The following PPP1R12A variants were observed in gnomAD, a reference collection of about 807,000 sequenced individuals.
The protein encoded by PPP1R12A is myosin binding subunit.
Under a neutral mutation model 139.6 loss-of-function variants are expected in PPP1R12A, and 19 were observed. The ratio of observed to expected loss-of-function variants is 0.14; its 90% CI spans 0.09 to 0.20. The LOEUF is 0.20. PPP1R12A is among the 10% of genes least tolerant of loss of function. The probability of loss-of-function intolerance (pLI) is 1.00; values close to 1 mark genes in which losing one functional copy is unlikely to be tolerated. For missense variants in PPP1R12A, 925 were observed against 1,211.5 expected (o/e 0.76, Z 3.51); for synonymous variants, 427 against 420.6 (o/e 1.02, Z -0.19).
intron 1 of PPP1R12A, among the ~76,000 whole-genome samples, chr12:79,885,885 A>G (rs775370148): frequency 3.9e-5 from 6 of 152,110 alleles, no homozygotes; most frequent in Non-Finnish European, 7.4e-5. Flanking sequence ...TGTTAGAGAT[A>G]GTGTCTCACT....
At chr12:79,814,565 T>C (rs1452940382) in intron 9 of PPP1R12A, among the ~76,000 whole-genome samples, 2 of 139,872 alleles carry the variant, frequency 1.4e-5, no homozygotes, top group African/African-American at 2.7e-5. Flanking sequence ...CCTGTAATCC[T>C]AGCACTTTGC....
chr12:79,886,769 CAACA>C (rs1884143836), intron 1 of PPP1R12A, among the ~76,000 whole-genome samples: 1 of 152,084 alleles, frequency 6.6e-6, no homozygotes, highest in East Asian at 1.9e-4. Flanking sequence ...AATATTCATT[CAACA>C]AATACTATAT....
At chr12:79,879,795 A>G (rs1883458365) in intron 1 of PPP1R12A, among the ~76,000 whole-genome samples, 1 of 152,100 alleles carries the variant, frequency 6.6e-6, no homozygotes, top group Non-Finnish European at 1.5e-5. Context: ...AGAGATATAC[A>G]TATGTGAAAT....
At chr12:79,846,030 G>A (rs1030374475) in intron 2 of PPP1R12A, among the ~76,000 whole-genome samples, 1 of 126,296 alleles carries the variant, frequency 7.9e-6, no homozygotes, top group Non-Finnish European at 1.9e-5. Context: ...GAGTTCTTAA[G>A]CTGGGGTTCA....
Position 79,795,764 on chromosome 12 carries a change from T to TA in PPP1R12A, c.2462-6dup. 1.2e-6 allele frequency: 2 copies of TA among 1,608,808 alleles called. No individual in the cohort carries two copies. Among genetic ancestry groups the TA allele is most frequent in the Non-Finnish European group, 1.7e-6 (2 of 1,177,560 alleles). On this transcript the variant is annotated splice_region_variant and splice_polypyrimidine_tract_variant and intron_variant, in intron 17 of 24. Coordinates refer to ENST00000450142, the MANE Select transcript of PPP1R12A (RefSeq NM_002480.3). ...CCTCTTCTCTTTTTTCTCCCTCTGT[T>TA]AAGGATTGCAATGAACCACAATATA...
chr12:79,824,624 C>A (rs917607124), intron 5 of PPP1R12A, among the ~76,000 whole-genome samples: 2 of 152,138 alleles, frequency 1.3e-5, no homozygotes, highest in African/African-American at 4.8e-5. Flanking sequence ...CAACTTAACT[C>A]ATCAACTTAA....
At chr12:79,862,252 C>A (rs1373182366) in intron 2 of PPP1R12A, among the ~76,000 whole-genome samples, 3 of 152,098 alleles carry the variant, frequency 2.0e-5, no homozygotes, top group Non-Finnish European at 4.4e-5. Flanking sequence ...AACTAACAAA[C>A]AAAAAGGAAT....
intron 5 of PPP1R12A, among the ~76,000 whole-genome samples, chr12:79,822,543 T>C (rs1410557412): frequency 6.6e-6 from 1 of 152,164 alleles, no homozygotes; most frequent in African/African-American, 2.4e-5. Context: ...CCCTAAGAAG[T>C]AGGAACATAC....
intron 16 of PPP1R12A, 92 bp from the exon 17 acceptor site, chr12:79,797,042 T>C: frequency 1.4e-6 from 2 of 1,416,916 alleles, no homozygotes; most frequent in Non-Finnish European, 1.9e-6. Flanking sequence ...GAAAAAGTAG[T>C]ATACTAATCA....
intron 17 of PPP1R12A, 56 bp downstream of exon 17, chr12:79,796,726 T>A: frequency 7.2e-7 from 1 of 1,392,410 alleles, no homozygotes; most frequent in South Asian, 1.4e-5. Flanking sequence ...TAGGAAACCC[T>A]AATCCAAAGG....
Position 79,797,264 on chromosome 12 carries a change from TTCTTGTTTCTCTTTA to T in PPP1R12A, c.2208_2222del (p.Asp736_Gln740del), listed in dbSNP as rs757413852. On this transcript the variant is annotated inframe_deletion, in exon 16 of 25. Coordinates refer to ENST00000450142, the MANE Select transcript of PPP1R12A (RefSeq NM_002480.3). ...TAGATGTTTCTGACTCCTTCTTTTC[TTCTTGTTTCTCTTTA>T]TCTTGTTTCTCTTTTTCCTCTTTTT... 1.4e-4 allele frequency: 216 copies of T among 1,587,948 alleles called. No individual in the cohort carries two copies. Among genetic ancestry groups the T allele is most frequent in the South Asian group, 5.6e-4 (49 of 87,928 alleles).
intron 2 of PPP1R12A, among the ~76,000 whole-genome samples, chr12:79,871,254 A>C (rs910341065): frequency 2.0e-5 from 3 of 152,190 alleles, no homozygotes; most frequent in African/African-American, 7.2e-5. Context: ...GTATTCTATC[A>C]CTTGCAGCTA....
intron 2 of PPP1R12A, among the ~76,000 whole-genome samples, chr12:79,845,650 C>T (rs1229342675): frequency 1.3e-5 from 2 of 152,146 alleles, no homozygotes; most frequent in East Asian, 3.9e-4. Flanking sequence ...ACCATCCTAA[C>T]ACGGTGAAAC....
chr12:79,844,991 T>C (rs769411015), intron 3 of PPP1R12A, among the ~76,000 whole-genome samples: 4 of 152,348 alleles, frequency 2.6e-5, no homozygotes, highest in Non-Finnish European at 5.9e-5. Flanking sequence ...TATTTAACTT[T>C]GCAATGTGCC....
At chr12:79,809,694 C>A in intron 10 of PPP1R12A, 101 bp downstream of exon 10, 5 of 840,690 alleles carry the variant, frequency 5.9e-6, no homozygotes, top group Non-Finnish European at 9.3e-6. Context: ...TAACTTGATA[C>A]CTAGATCTAA....
At chr12:79,789,703 A>G (rs1360420550) in intron 20 of PPP1R12A, 1 of 449,632 alleles carries the variant, frequency 2.2e-6, no homozygotes, top group East Asian at 7.1e-5. Flanking sequence ...ATGATAAGAG[A>G]AATGGAATGG....
chr12:79,819,433 GAACA>G (rs1875818573), intron 8 of PPP1R12A: 1 of 152,130 alleles, frequency 6.6e-6, no homozygotes, highest in African/African-American at 2.4e-5. Flanking sequence ...AAAATTTAGT[GAACA>G]AAAACCTAGA....
intron 5 of PPP1R12A, chr12:79,824,930 C>CT (rs1438288479): frequency 2.0e-5 from 3 of 152,078 alleles, no homozygotes; most frequent in South Asian, 2.1e-4. Flanking sequence ...CATTATAAGT[C>CT]TAACTTCATA....
intron 1 of PPP1R12A, among the ~76,000 whole-genome samples, chr12:79,874,468 A>C (rs1257292220): frequency 6.6e-6 from 1 of 152,128 alleles, no homozygotes; most frequent in Admixed American, 6.5e-5. Context: ...ACAACCAAGA[A>C]AAAATGAATT....
Sources: allele counts gnomAD v4.1 joint callset (sites outside exome capture counted in the v4.1 genomes callset), GRCh38; gene constraint gnomAD v4.1.1; transcripts MANE v1.5; gene names NCBI Gene and HGNC (gene_info 2026-07-23, HGNC 2026-07-21).